The following HEATR1 variants were observed in gnomAD, a reference collection of about 807,000 sequenced individuals.
HEATR1 encodes HEAT repeat containing 1.
A neutral mutation model predicts 248.2 loss-of-function variants in HEATR1; 77 were observed. That is an observed-to-expected ratio of 0.31 (90% CI 0.26 to 0.37). HEATR1 has a LOEUF of 0.37. HEATR1 is among the 10% of genes least tolerant of loss of function. The probability of loss-of-function intolerance (pLI) is 1.00; values close to 1 mark genes in which losing one functional copy is unlikely to be tolerated. For missense variants in HEATR1, 2,420 were observed against 2,504.9 expected, an observed-to-expected ratio of 0.97 and a Z score of 0.72; for synonymous variants, 897 against 923.1, an observed-to-expected ratio of 0.97 and a Z score of 0.51.
intron 5 of HEATR1, among the ~76,000 whole-genome samples, chr1:236,597,595 C>T (rs1664211237): frequency 1.3e-5 from 2 of 151,812 alleles, no homozygotes; most frequent in African/African-American, 4.8e-5. Flanking sequence ...ATATTCCCGA[C>T]ATTTCTAGAC....
chr1:236,597,070 A>T (rs1664196438), intron 5 of HEATR1, 94 bp from the exon 6 acceptor site: 1 of 1,089,042 alleles, frequency 9.2e-7, no homozygotes, highest in Non-Finnish European at 1.3e-6. Flanking sequence ...GATTTCAATG[A>T]ACTATGATGG....
At chr1:236,601,098 T>G (rs570046218) in intron 3 of HEATR1, among the ~76,000 whole-genome samples, 5 of 152,200 alleles carry the variant, frequency 3.3e-5, no homozygotes, top group African/African-American at 4.8e-5. Flanking sequence ...AGTTAGGTGC[T>G]AGAAAACAGA....
At position 236,592,123 on chromosome 1, in the gene HEATR1, TAA is replaced by T. The variant is rs1162761086; in HGVS notation, c.1305-15_1305-14del. ...TGTTCTGGGGTATCTGGGAAGCAAT[TAA>T]AAAGTGAATTCATTATTCTTAATAA... On this transcript the variant is annotated splice_polypyrimidine_tract_variant and intron_variant, in intron 10 of 44. Transcript: ENST00000366582. 7.4e-7 allele frequency: 1 copy of T among 1,345,874 alleles called. No homozygotes were observed. Among genetic ancestry groups the T allele is most frequent in the African/African-American group, 1.4e-5 (1 of 69,494 alleles). The allele number at this position is 1,345,874 out of a possible 1,614,324, so 83.4% of individuals were successfully genotyped here.
At position 236,556,170 on chromosome 1, in the gene HEATR1, G is replaced by A. The variant is rs772652823; in HGVS notation, c.5444C>T (p.Thr1815Ile). The change falls in exon 38 of 45, where the codon ACC becomes ATC. Residue 1815 changes from threonine to isoleucine, a missense_variant. Transcript: ENST00000366582. ...RLTSLKKTLA[T>I]TLAPRVLLPA... ...CAACAGGACTCGGGGTGCAAGTGTG[G>A]TAGCCAGTGTCTTTTTAAGAGATGT... The A allele has an allele frequency of 1.2e-6, 2 of 1,613,966 alleles. No individual in the cohort carries two copies. The highest frequency in any genetic ancestry group is 2.2e-5 in the East Asian group (1 of 44,876).
Position 236,565,901 on chromosome 1 carries a change from C to A in HEATR1, c.4435+18G>T. ...AGCTTTCAGATTGAACAGTAAGTGA[C>A]ACCCGATCTACGCTTACCTTCTTTT... On this transcript the variant is annotated intron_variant, in intron 31 of 44. Coordinates refer to ENST00000366582, the MANE Select transcript of HEATR1 (RefSeq NM_018072.6). 6.2e-7 allele frequency: 1 copy of A among 1,607,808 alleles called. No individual in the cohort carries two copies. The highest frequency in any genetic ancestry group is 8.5e-7 in the Non-Finnish European group (1 of 1,177,162).
Position 236,588,022 on chromosome 1 carries a change from T to C in HEATR1, c.1552A>G (p.Ile518Val), listed in dbSNP as rs1391031431. The change falls in exon 13 of 45, where the codon ATA becomes GTA. Residue 518 changes from isoleucine (I) to valine (V), a missense_variant. Ile to Val is a conservative substitution (Grantham distance 29, BLOSUM62 3). Transcript: ENST00000366582. ...TSKEGVDESF[I>V]KEAVLARLGD... ...AATCGGGCTAAAACAGCTTCTTTTA[T>C]GAAAGATTCATCAACACCCTCCTGA... is the stretch of plus-strand genomic sequence containing the variant. The C allele has an allele frequency of 3.1e-6, 5 of 1,612,404 alleles. No homozygotes were observed. In the African/African-American group the frequency reaches 5.3e-5, roughly 17 times the overall value.
chr1:236,571,977 G>T (rs1237284304), intron 26 of HEATR1, among the ~76,000 whole-genome samples: 1 of 151,926 alleles, frequency 6.6e-6, no homozygotes, highest in East Asian at 1.9e-4. Context: ...CCTTTCACAT[G>T]AAAGCACACG....
chr1:236,558,434 T>C lies in HEATR1; in HGVS notation c.5007A>G (p.Thr1669=). ...GEEEQAINRQ[T]ALYTLKLLCK... ...ATAAAAGCTTTAAGGTATACAACGC[T>C]GTCTGTCTGTTGATTGCTTGTTCTT... The change falls in exon 36 of 45, where the codon ACA becomes ACG. Residue 1669 remains threonine (T), a synonymous_variant. Transcript: ENST00000366582. 3 of 1,614,202 alleles carry C rather than the reference T, an allele frequency of 1.9e-6. No individual in the cohort carries two copies. The highest frequency in any genetic ancestry group is 2.5e-6 in the Non-Finnish European group (3 of 1,179,990).
At chr1:236,558,833 G>A (rs1663047213) in intron 35 of HEATR1, among the ~76,000 whole-genome samples, 162 bp downstream of exon 35, 1 of 152,090 alleles carries the variant, frequency 6.6e-6, no homozygotes, top group African/African-American at 2.4e-5. Flanking sequence ...ATATATTCCC[G>A]TTAGAATTAA....
chr1:236,568,279 TTA>T, intron 29 of HEATR1, among the ~76,000 whole-genome samples: 1 of 152,340 alleles, frequency 6.6e-6, no homozygotes, highest in Admixed American at 6.5e-5. Context: ...ATGCATATTA[TTA>T]TTTTTCTTTT....
chr1:236,579,677 C>T (rs990026020), intron 20 of HEATR1, among the ~76,000 whole-genome samples: 2 of 151,992 alleles, frequency 1.3e-5, no homozygotes, highest in Admixed American at 6.6e-5. Context: ...AAAACCTTAA[C>T]AGTAAACTCA....
chr1:236,586,060 G>C, intron 15 of HEATR1, 119 bp from the exon 16 acceptor site: 1 of 1,357,536 alleles, frequency 7.4e-7, no homozygotes, highest in Non-Finnish European at 1.0e-6. Context: ...ATTTTTCCTT[G>C]TATCCGATTC....
At chr1:236,592,654 A>G in intron 9 of HEATR1, 21 bp from the exon 10 acceptor site, 2 of 943,302 alleles carry the variant, frequency 2.1e-6, no homozygotes, top group Non-Finnish European at 1.7e-6. Flanking sequence ...AAAAACAGAA[A>G]TATCAGCATA....
chr1:236,587,353 A>G (rs764210060), intron 14 of HEATR1, 49 bp downstream of exon 14: 17 of 894,510 alleles, frequency 1.9e-5, no homozygotes, highest in Non-Finnish European at 2.8e-5. Context: ...AGAACTTGAT[A>G]TAAGAACTTC....
At chr1:236,588,938 C>G (rs966038465) in intron 12 of HEATR1, among the ~76,000 whole-genome samples, 6 of 152,068 alleles carry the variant, frequency 3.9e-5, no homozygotes, top group Non-Finnish European at 7.4e-5. Context: ...TAGCAAGACC[C>G]CATCATTTAA....
chr1:236,599,757 A>C, intron 3 of HEATR1, 133 bp from the exon 4 acceptor site: 1 of 799,760 alleles, frequency 1.3e-6, no homozygotes, highest in Non-Finnish European at 1.9e-6. Flanking sequence ...TCACAAAATT[A>C]TAAGATACAG....
At position 236,557,217 on chromosome 1, in the gene HEATR1, T is replaced by G. The variant is rs577396019; in HGVS notation, c.5333A>C (p.Tyr1778Ser). The G allele has an allele frequency of 6.2e-7, 1 of 1,614,046 alleles. No homozygotes were observed. The highest frequency in any genetic ancestry group is 8.5e-7 in the Non-Finnish European group (1 of 1,179,968). The change falls in exon 37 of 45, where the codon TAT becomes TCT. Residue 1778 changes from tyrosine (Y) to serine (S), a missense_variant. By Grantham distance (144) the Tyr-to-Ser change is moderately radical (BLOSUM62 -2). Coordinates refer to ENST00000366582, the MANE Select transcript of HEATR1 (RefSeq NM_018072.6). ...CACCTGGGAGAGAATGCCTTCCAGATAGGGGCTGATGAAGTGCGGGAGAGT... is the reference window on the plus strand; with the variant it reads ...CACCTGGGAGAGAATGCCTTCCAGAGAGGGGCTGATGAAGTGCGGGAGAGT... ...VETLPHFISP[Y>S]LEGILSQVIH...
At chr1:236,577,128 T>C (rs942734112) in intron 20 of HEATR1, among the ~76,000 whole-genome samples, 179 bp from the exon 21 acceptor site, 5 of 113,750 alleles carry the variant, frequency 4.4e-5, no homozygotes, top group African/African-American at 1.4e-4. Context: ...ACCTGGTGCA[T>C]TCTTTTGAAA....
rs763758314 is a variant in HEATR1, at chr1:236,595,686, A to C, written c.957-13T>G. ...GTGAGGGAATGGCCTTTGAAGAAGC[A>C]AAAGTACATATCGTGTTGACTTTAC... On this transcript the variant is annotated splice_polypyrimidine_tract_variant and intron_variant, in intron 7 of 44. Coordinates refer to ENST00000366582, the MANE Select transcript of HEATR1 (RefSeq NM_018072.6). The C allele has an allele frequency of 1.1e-5, 18 of 1,608,028 alleles. No individual in the cohort carries two copies. The East Asian group carries it at 4.0e-4, about 36-fold the overall frequency.
Sources: gnomAD v4.1 joint callset for allele counts (sites outside exome capture counted in the v4.1 genomes callset) on GRCh38, gnomAD v4.1.1 for gene constraint, MANE v1.5 for transcripts, NCBI Gene and HGNC (gene_info 2026-07-23, HGNC 2026-07-21) for gene names.